Variants in NDC1 observed in about 807,000 individuals in gnomAD.
NDC1 encodes nucleoporin NDC1.
Under a neutral mutation model 89.8 loss-of-function variants are expected in NDC1, and 24 were observed. The observed-to-expected ratio is 0.27, with a 90% CI of 0.19 to 0.38. NDC1 has a LOEUF of 0.38. NDC1 is among the 10% of genes least tolerant of loss of function. The pLI is 1.00. For synonymous variants in NDC1, 296 were observed against 284.8 expected (o/e 1.04, Z -0.39); for missense variants, 728 against 797.6 (o/e 0.91, Z 1.05).
intron 6 of NDC1, among the ~76,000 whole-genome samples, chr1:53,816,379 G>C (rs1452007684): frequency 6.6e-6 from 1 of 152,124 alleles, no homozygotes; most frequent in Non-Finnish European, 1.5e-5. Context: ...ATGATGCTGG[G>C]ATAATTGGCT....
intron 15 of NDC1, among the ~76,000 whole-genome samples, chr1:53,788,447 A>G (rs759923754): frequency 2.6e-5 from 4 of 151,204 alleles, no homozygotes; most frequent in Non-Finnish European, 5.9e-5. Context: ...TTTTTTTGAG[A>G]TGGAGTTGCG....
chr1:53,796,648 T>C lies in NDC1; in HGVS notation c.1584+41A>G, dbSNP rs146898425. 319 of 1,321,584 alleles carry C rather than the reference T, an allele frequency of 2.4e-4. 1 individual carries two copies. The African/African-American group carries it at 4.2e-3, about 17-fold the overall frequency. The allele number at this position is 1,321,584 out of a possible 1,614,324, so 81.9% of individuals were successfully genotyped here. ...CATGTGAGATCCTTAATGTTCTCAA[T>C]TTTACATGCAAATATAAATCCTATA... On this transcript the variant is annotated intron_variant, in intron 13 of 17. Transcript: ENST00000371429.
chr1:53,811,146 C>A (rs766513226), intron 6 of NDC1, among the ~76,000 whole-genome samples: 4 of 152,206 alleles, frequency 2.6e-5, no homozygotes, highest in Non-Finnish European at 5.9e-5. Context: ...CCTAGCAGGC[C>A]ATTCCTGCCT....
intron 9 of NDC1, 102 bp downstream of exon 9, chr1:53,806,323 A>G (rs1648107194): frequency 3.0e-6 from 2 of 672,084 alleles, no homozygotes; most frequent in African/African-American, 3.8e-5. Context: ...CAAGAATATT[A>G]TAGGCCCTCA....
chr1:53,786,482 T>C (rs1647312687), intron 16 of NDC1, among the ~76,000 whole-genome samples: 1 of 152,218 alleles, frequency 6.6e-6, no homozygotes, highest in Non-Finnish European at 1.5e-5. Context: ...CTCAACCCAA[T>C]AGGGCATTTA....
At chr1:53,805,712 C>A (rs555082904) in intron 9 of NDC1, among the ~76,000 whole-genome samples, 1 of 152,236 alleles carries the variant, frequency 6.6e-6, no homozygotes, top group East Asian at 1.9e-4. Context: ...CATTTCTAAG[C>A]GCTATTTTTG....
intron 3 of NDC1, among the ~76,000 whole-genome samples, chr1:53,831,552 A>G (rs1480371718): frequency 6.6e-6 from 1 of 151,958 alleles, no homozygotes; most frequent in Non-Finnish European, 1.5e-5. Context: ...GCGTGCCTGT[A>G]ATCCCAGCTA....
chr1:53,829,940 C>T (rs1648994841), intron 3 of NDC1, among the ~76,000 whole-genome samples: 1 of 151,964 alleles, frequency 6.6e-6, no homozygotes, highest in East Asian at 1.9e-4. Flanking sequence ...ATCATGAGTT[C>T]AGGAGTTTGA....
rs1040454639 is a variant in NDC1 at position 53,765,557 on chromosome 1, A to G, written c.*2413T>C. 5 of 152,194 alleles carry G rather than the reference A, an allele frequency of 3.3e-5. No individual in the cohort carries two copies. The highest frequency in any genetic ancestry group is 7.3e-5 in the Non-Finnish European group (5 of 68,036). The allele number at this position is 152,194 out of a possible 1,614,324, so 9.4% of individuals were successfully genotyped here. On this transcript the variant is annotated 3_prime_UTR_variant, in exon 18 of 18. Transcript: ENST00000371429. ...AAAGGATATAAACAGACTATCATGAATATTTACAGGATGACACACCAAACA... is the reference window on the plus strand; with the variant it reads ...AAAGGATATAAACAGACTATCATGAGTATTTACAGGATGACACACCAAACA...
At chr1:53,825,121 C>T (rs1046958467) in intron 5 of NDC1, among the ~76,000 whole-genome samples, 1 of 151,826 alleles carries the variant, frequency 6.6e-6, no homozygotes, top group African/African-American at 2.4e-5. Context: ...TGCAGTGAAC[C>T]GTGACCACGC....
At chr1:53,791,393 G>A (rs376249949) in intron 14 of NDC1, among the ~76,000 whole-genome samples, 2 of 149,040 alleles carry the variant, frequency 1.3e-5, no homozygotes, top group African/African-American at 5.0e-5. Flanking sequence ...CCCAGATCGC[G>A]CCACCGCACT....
intron 10 of NDC1, among the ~76,000 whole-genome samples, chr1:53,801,993 T>C (rs1040157382): frequency 7.3e-4 from 111 of 152,300 alleles, no homozygotes; most frequent in African/African-American, 2.4e-3. Flanking sequence ...TCCTCCCGCC[T>C]CAGCCTCCCA....
chr1:53,782,845 A>G (rs4927036), intron 16 of NDC1, among the ~76,000 whole-genome samples: 17,861 of 152,250 alleles, frequency 0.12, 1,176 homozygotes, highest in Non-Finnish European at 0.15. Flanking sequence ...AATATCATTC[A>G]TCTTATCCCT....
At chr1:53,796,580 TAA>T (rs57490546) in intron 13 of NDC1, 107 bp downstream of exon 13, 41,522 of 416,582 alleles carry the variant, frequency 0.1, 28 homozygotes, top group Middle Eastern at 0.13. Flanking sequence ...ACACGAAGCA[TAA>T]AAAAAAAAAA....
chr1:53,834,058 CAGGGG>C (rs1310674108), intron 2 of NDC1, among the ~76,000 whole-genome samples: 1 of 152,146 alleles, frequency 6.6e-6, no homozygotes, highest in Non-Finnish European at 1.5e-5. Context: ...GCTGGGATTA[CAGGGG>C]TGAGCCACCA....
Position 53,797,077 on chromosome 1 carries a change from T to G in NDC1, c.1290A>C (p.Lys430Asn), listed in dbSNP as rs139582452. Residue 430 changes from lysine to asparagine, a missense_variant, in exon 12 of 18, where the codon AAA becomes AAC. By Grantham distance (94) the Lys-to-Asn change is moderately conservative. Transcript: ENST00000371429. ...MPRPSVPPLV[K>N]TSLFSSKLST... ...ATAATTTTGAAGAAAACAGTGATGT[T>G]TTAACTAATGGTGGCACTGAAGGCC... is the stretch of plus-strand genomic sequence containing the variant. The G allele has an allele frequency of 8.9e-5, 144 of 1,613,782 alleles. 1 individual carries two copies. The highest frequency in any genetic ancestry group is 1.2e-4 in the Non-Finnish European group (138 of 1,179,924).
intron 17 of NDC1, chr1:53,770,886 C>T (rs1647106844): frequency 2.0e-5 from 3 of 152,240 alleles, no homozygotes; most frequent in African/African-American, 7.2e-5. Flanking sequence ...AACTCCTGAC[C>T]TGAGGTGATC....
At chr1:53,837,651 G>A (rs1001235677) in intron 1 of NDC1, among the ~76,000 whole-genome samples, 2 of 152,092 alleles carry the variant, frequency 1.3e-5, no homozygotes, top group Admixed American at 6.5e-5. Flanking sequence ...CACTGGGATA[G>A]AAGCACTTTT....
intron 4 of NDC1, among the ~76,000 whole-genome samples, chr1:53,827,426 C>T (rs1648907697): frequency 6.6e-6 from 1 of 152,162 alleles, no homozygotes; most frequent in South Asian, 2.1e-4. Flanking sequence ...CAGGCACATG[C>T]CACCACTCCT....
Sources: allele counts gnomAD v4.1 joint callset (sites outside exome capture counted in the v4.1 genomes callset), GRCh38; gene constraint gnomAD v4.1.1; transcripts MANE v1.5; gene names NCBI Gene and HGNC (gene_info 2026-07-23, HGNC 2026-07-21).